TCF12: variants seen among roughly 807,000 people sequenced by gnomAD.
TCF12 encodes transcription factor 12, also known as DNA-binding protein HTF4.
TCF12 carries 45 observed loss-of-function variants against 86.0 expected under a neutral mutation model. The observed-to-expected ratio is 0.52, with a 90% CI of 0.41 to 0.67. The LOEUF is 0.67. Among genes scored for constraint, TCF12 ranks in the 30% least tolerant of loss-of-function variants. TCF12 has a pLI of 0.00. For missense variants in TCF12, 881 were observed against 859.9 expected, an observed-to-expected ratio of 1.02 and a Z score of -0.31; for synonymous variants, 330 against 299.6, an observed-to-expected ratio of 1.10 and a Z score of -1.05.
intron 3 of TCF12, among the ~76,000 whole-genome samples, chr15:57,016,192 T>C (rs1240999535): frequency 6.6e-6 from 1 of 152,180 alleles, no homozygotes; most frequent in East Asian, 1.9e-4. Context: ...TGTTAGGATT[T>C]TATCTCTAAA....
chr15:57,033,405 T>G (rs2066320817), intron 3 of TCF12, among the ~76,000 whole-genome samples: 2 of 152,218 alleles, frequency 1.3e-5, no homozygotes, highest in Admixed American at 6.5e-5. Flanking sequence ...ATGGAATTTT[T>G]ATTTTACAGT....
intron 3 of TCF12, among the ~76,000 whole-genome samples, chr15:57,044,727 CTG>C (rs1204432121): frequency 3.3e-5 from 5 of 151,440 alleles, no homozygotes; most frequent in East Asian, 1.9e-4. Flanking sequence ...TTTTATAAGA[CTG>C]TGTTTAGGAT....
chr15:57,007,320 C>G lies in TCF12; in HGVS notation c.149-56430C>G, dbSNP rs2064442151. On this transcript the variant is annotated intron_variant, in intron 3 of 20. Coordinates refer to ENST00000333725, the MANE Select transcript of TCF12 (RefSeq NM_207037.2). The stretch of plus-strand genomic sequence containing the variant: ...CAGTATTTTCTGTCTTTCCCCACAA[C>G]TATTTGTAGAAAGACATTCCTAGCA... 2.0e-5 allele frequency among the ~76,000 whole-genome samples: 3 copies of G among 152,248 alleles called. No individual in the cohort carries two copies. In the South Asian group the frequency reaches 6.2e-4, roughly 32 times the overall value.
intron 19 of TCF12, among the ~76,000 whole-genome samples, chr15:57,278,073 C>G (rs1361227837): frequency 6.6e-6 from 1 of 152,082 alleles, no homozygotes; most frequent in African/African-American, 2.4e-5. Flanking sequence ...CACAAACGAT[C>G]CTCCCACCTC....
chr15:57,007,818 CTTTTT>C (rs2064520765), intron 3 of TCF12, among the ~76,000 whole-genome samples: 1 of 128,908 alleles, frequency 7.8e-6, no homozygotes, highest in Non-Finnish European at 1.7e-5. Flanking sequence ...TTCTTTCTTT[CTTTTT>C]CTTTCTTTCT....
At chr15:57,235,903 C>G (rs1449297330) in intron 12 of TCF12, among the ~76,000 whole-genome samples, 6 of 152,128 alleles carry the variant, frequency 3.9e-5, no homozygotes, top group African/African-American at 1.4e-4. Flanking sequence ...TTTTGTTACC[C>G]TTCACATCCT....
At chr15:57,263,661 G>T (rs1567012113) in intron 18 of TCF12, among the ~76,000 whole-genome samples, 2 of 152,108 alleles carry the variant, frequency 1.3e-5, no homozygotes, top group Admixed American at 6.5e-5. Context: ...CTTAACAATG[G>T]TATATATTCT....
intron 4 of TCF12, among the ~76,000 whole-genome samples, chr15:57,067,692 C>T (rs1319410115): frequency 6.6e-6 from 1 of 152,104 alleles, no homozygotes; most frequent in African/African-American, 2.4e-5. Context: ...TCCTTCCTCT[C>T]TACTTTTGTT....
At chr15:57,009,350 G>T (rs928691934) in intron 3 of TCF12, among the ~76,000 whole-genome samples, 2 of 152,012 alleles carry the variant, frequency 1.3e-5, no homozygotes, top group Non-Finnish European at 1.5e-5. Flanking sequence ...GGCTCAAGCA[G>T]TCTGTCCTCC....
intron 5 of TCF12, among the ~76,000 whole-genome samples, chr15:57,096,374 G>C (rs1347606750): frequency 6.6e-6 from 1 of 151,872 alleles, no homozygotes; most frequent in Non-Finnish European, 1.5e-5. Flanking sequence ...GTAGGACACT[G>C]GGAAATGTTT....
chr15:57,075,792 T>TCTCTCTCTCTC (rs1567370227), intron 4 of TCF12, among the ~76,000 whole-genome samples: 1 of 35,088 alleles, frequency 2.8e-5, no homozygotes, highest in African/African-American at 1.0e-4. Context: ...CTTTCTTTCT[T>TCTCTCTCTCTC]TCTTTCTTTC....
chr15:57,135,073 C>T (rs1164960777), intron 5 of TCF12, among the ~76,000 whole-genome samples: 1 of 152,038 alleles, frequency 6.6e-6, no homozygotes, highest in African/African-American at 2.4e-5. Flanking sequence ...TGAATGTGTA[C>T]CCATGCCATA....
chr15:57,065,887 C>T (rs2068833760), intron 4 of TCF12, among the ~76,000 whole-genome samples: 1 of 151,958 alleles, frequency 6.6e-6, no homozygotes, highest in Non-Finnish European at 1.5e-5. Context: ...TTCATAGAAC[C>T]ATAGAACCAC....
intron 18 of TCF12, among the ~76,000 whole-genome samples, chr15:57,272,307 A>G (rs1459300247): frequency 6.6e-6 from 1 of 152,224 alleles, no homozygotes; most frequent in East Asian, 1.9e-4. Context: ...GCTGATCAAG[A>G]GGTAATAAAC....
chr15:57,284,761 GTC>G (rs1490574809), intron 20 of TCF12, among the ~76,000 whole-genome samples: 3 of 151,922 alleles, frequency 2.0e-5, no homozygotes, highest in Non-Finnish European at 4.4e-5. Context: ...TTTCTTCTCA[GTC>G]TCTCTTACTC....
chr15:57,268,274 G>A (rs927378958), intron 18 of TCF12, among the ~76,000 whole-genome samples: 2 of 152,212 alleles, frequency 1.3e-5, no homozygotes, highest in Non-Finnish European at 2.9e-5. Flanking sequence ...ATTCTAATGA[G>A]TGGCTATCTG....
chr15:57,032,279 G>A (rs576540486), intron 3 of TCF12, among the ~76,000 whole-genome samples: 1 of 152,206 alleles, frequency 6.6e-6, no homozygotes, highest in Non-Finnish European at 1.5e-5. Flanking sequence ...AAATAGTGCT[G>A]CAAAGGCTTT....
At chr15:56,974,050 G>A (rs1225760067) in intron 3 of TCF12, among the ~76,000 whole-genome samples, 1 of 152,106 alleles carries the variant, frequency 6.6e-6, no homozygotes, top group African/African-American at 2.4e-5. Context: ...TGCGTTCAGT[G>A]TTCGTGGCTT....
At chr15:56,955,481 A>G (rs2061469437) in intron 3 of TCF12, among the ~76,000 whole-genome samples, 1 of 152,142 alleles carries the variant, frequency 6.6e-6, no homozygotes, top group Admixed American at 6.5e-5. Flanking sequence ...CAGCAAACCA[A>G]CATGACACAT....
Sources: gnomAD v4.1 joint callset for allele counts (sites outside exome capture counted in the v4.1 genomes callset) on GRCh38, gnomAD v4.1.1 for gene constraint, MANE v1.5 for transcripts, NCBI Gene and HGNC (gene_info 2026-07-23, HGNC 2026-07-21) for gene names.